Variants in SLC13A1 observed in about 807,000 individuals in gnomAD.
SLC13A1 encodes the protein solute carrier family 13 member 1.
SLC13A1 carries 65 observed loss-of-function variants against 70.0 expected under a neutral mutation model. That is an observed-to-expected ratio of 0.93 (90% CI 0.76 to 1.14). SLC13A1 has a LOEUF of 1.14. Among genes scored for constraint, SLC13A1 ranks in the 50% most tolerant of loss-of-function variants. The pLI, the probability that SLC13A1 is intolerant of heterozygous loss-of-function variation, is 0.00. For synonymous variants in SLC13A1, 275 were observed against 250.5 expected, an observed-to-expected ratio of 1.10 and a Z score of -0.92; for missense variants, 726 against 717.8, an observed-to-expected ratio of 1.01 and a Z score of -0.13.
At position 123,134,475 on chromosome 7, in the gene SLC13A1, G is replaced by A. The variant is rs1281911884; in HGVS notation, c.867C>T (p.Phe289=). The A allele has an allele frequency of 2.5e-6, 4 of 1,613,324 alleles. No homozygotes were observed. The East Asian group carries it at 6.7e-5, about 27-fold the overall frequency. Residue 289 remains phenylalanine (F), a synonymous_variant, in exon 8 of 15, where the codon TTC becomes TTT. Transcript: ENST00000194130. The part of the protein sequence containing the change: ...LNFGSWFTFS[F]PAALIILLLS... ...AGAGTAGAATGATAAGGGCAGCTGG[G>A]AAGGAAAACGTAAACCATGATCCAA...
chr7:123,195,452 A>G (rs1170993393), intron 1 of SLC13A1, among the ~76,000 whole-genome samples: 1 of 151,804 alleles, frequency 6.6e-6, no homozygotes, highest in Non-Finnish European at 1.5e-5. Flanking sequence ...TTTCACTTAT[A>G]GTCTTTTTAA....
intron 6 of SLC13A1, among the ~76,000 whole-genome samples, chr7:123,166,214 C>T (rs971105160): frequency 6.6e-6 from 1 of 151,992 alleles, no homozygotes; most frequent in African/African-American, 2.4e-5. Flanking sequence ...AAAAGACCTG[C>T]CTACAATGCC....
intron 7 of SLC13A1, among the ~76,000 whole-genome samples, chr7:123,144,927 T>C (rs1357457494): frequency 3.3e-5 from 5 of 152,216 alleles, no homozygotes; most frequent in East Asian, 1.9e-4. Flanking sequence ...TTAAGTGTCA[T>C]AGTATGCTAC....
At position 123,142,906 on chromosome 7, in the gene SLC13A1, C is replaced by T. The variant is rs547723265; in HGVS notation, c.812+4253G>A. On this transcript the variant is annotated intron_variant, in intron 7 of 14. Transcript: ENST00000194130. ...TGCTGGGATTACAGTCGTGAGCCAC[C>T]GCACCCGGCTGACGAAGAGCTCTTT... 2.5e-4 allele frequency among the ~76,000 whole-genome samples: 38 copies of T among 152,086 alleles called. No homozygotes were observed. In the South Asian group the frequency reaches 7.3e-3, roughly 29 times the overall value.
intron 12 of SLC13A1, among the ~76,000 whole-genome samples, chr7:123,121,842 A>T (rs1793391893): frequency 6.6e-6 from 1 of 152,120 alleles, no homozygotes; most frequent in African/African-American, 2.4e-5. Flanking sequence ...TTGAAAATTA[A>T]TTGCCTCCAA....
chr7:123,177,548 T>C (rs562384487), intron 2 of SLC13A1, among the ~76,000 whole-genome samples: 1 of 152,142 alleles, frequency 6.6e-6, no homozygotes, highest in Non-Finnish European at 1.5e-5. Context: ...CTCATTACAT[T>C]ATGTACCTGA....
chr7:123,172,627 T>A (rs1481168724), intron 2 of SLC13A1, among the ~76,000 whole-genome samples: 2 of 152,174 alleles, frequency 1.3e-5, no homozygotes, highest in East Asian at 1.9e-4. Context: ...TCTTAAAAAA[T>A]AATAATAATA....
intron 6 of SLC13A1, among the ~76,000 whole-genome samples, chr7:123,155,516 G>A (rs550116972): frequency 2.6e-4 from 39 of 151,650 alleles, no homozygotes; most frequent in African/African-American, 8.7e-4. Context: ...TCTGTTTCCC[G>A]CAAATTGCTC....
At chr7:123,180,873 T>C in intron 2 of SLC13A1, 100 bp downstream of exon 2, 3 of 1,315,296 alleles carry the variant, frequency 2.3e-6, no homozygotes, top group Non-Finnish European at 3.1e-6. Flanking sequence ...ATGTGGAACC[T>C]TACCAACGAG....
chr7:123,161,928 A>C (rs1284414392), intron 6 of SLC13A1, among the ~76,000 whole-genome samples: 2 of 152,000 alleles, frequency 1.3e-5, no homozygotes, highest in African/African-American at 4.8e-5. Context: ...TTATTTTGTT[A>C]TTCTTCAAAA....
At chr7:123,122,485 G>A (rs10255262) in intron 12 of SLC13A1, among the ~76,000 whole-genome samples, 35,539 of 151,964 alleles carry the variant, frequency 0.23, 4,844 homozygotes, top group East Asian at 0.35. Flanking sequence ...CAGGGCAATT[G>A]CAAGGGATGA....
intron 7 of SLC13A1, among the ~76,000 whole-genome samples, chr7:123,141,333 G>A (rs886961118): frequency 1.3e-5 from 2 of 152,076 alleles, no homozygotes; most frequent in Non-Finnish European, 2.9e-5. Context: ...CCTAACATAT[G>A]GTCTATCCTT....
intron 1 of SLC13A1, among the ~76,000 whole-genome samples, chr7:123,187,910 A>G (rs191755773): frequency 6.6e-6 from 1 of 152,306 alleles, no homozygotes; most frequent in Admixed American, 6.5e-5. Flanking sequence ...ATGCATGTCT[A>G]TGGAAAATAG....
At chr7:123,143,000 A>G (rs1424291111) in intron 7 of SLC13A1, among the ~76,000 whole-genome samples, 1 of 152,038 alleles carries the variant, frequency 6.6e-6, no homozygotes, top group African/African-American at 2.4e-5. Flanking sequence ...ATTCTGGCCC[A>G]GGGTGTGTCT....
intron 13 of SLC13A1, 86 bp downstream of exon 13, chr7:123,118,995 T>G: frequency 7.9e-7 from 1 of 1,262,080 alleles, no homozygotes; most frequent in South Asian, 1.5e-5. Flanking sequence ...CCAAAAGAGA[T>G]TCCATACCAC....
chr7:123,168,053 T>TA lies in SLC13A1; in HGVS notation c.660+320dup. Among the ~76,000 whole-genome samples, 4 of 152,062 alleles carry TA rather than the reference T, an allele frequency of 2.6e-5. No homozygotes were observed. In the Middle Eastern group the frequency reaches 0.014, roughly 517 times the overall value. Reference sequence around the variant, plus strand: ...GTACCCCTGAAACTAAAATAAAAGTTAAAAAAAGAAAATGAAGCAATATTC... The same window carrying TA: ...GTACCCCTGAAACTAAAATAAAAGTTAAAAAAAAGAAAATGAAGCAATATTC... On this transcript the variant is annotated intron_variant, in intron 6 of 14. Transcript: ENST00000194130.
At chr7:123,191,243 G>A (rs368631940) in intron 1 of SLC13A1, among the ~76,000 whole-genome samples, 8 of 152,124 alleles carry the variant, frequency 5.3e-5, no homozygotes. Context: ...TATGGGTGAG[G>A]TCTTGGCTGG....
At chr7:123,194,698 A>G (rs1330823316) in intron 1 of SLC13A1, among the ~76,000 whole-genome samples, 1 of 152,034 alleles carries the variant, frequency 6.6e-6, no homozygotes, top group African/African-American at 2.4e-5. Context: ...GGGGAGATTT[A>G]GGAGGATTTA....
intron 7 of SLC13A1, among the ~76,000 whole-genome samples, chr7:123,145,350 C>T (rs541131059): frequency 2.6e-5 from 4 of 152,256 alleles, no homozygotes; most frequent in African/African-American, 9.6e-5. Flanking sequence ...GTCAAAATTT[C>T]TTCCATAGTA....
Sources: allele counts gnomAD v4.1 joint callset (sites outside exome capture counted in the v4.1 genomes callset), GRCh38; gene constraint gnomAD v4.1.1; transcripts MANE v1.5; gene names NCBI Gene and HGNC (gene_info 2026-07-23, HGNC 2026-07-21).